The following PKIB variants were observed in gnomAD, a reference collection of about 807,000 sequenced individuals.
PKIB encodes the protein cAMP-dependent protein kinase inhibitor beta, also known as PKI-beta.
In PKIB, 2 loss-of-function variants were observed where a neutral mutation model predicts 4.5. The ratio of observed to expected loss-of-function variants is 0.44; its 90% CI spans 0.18 to 1.39. The LOEUF (loss-of-function observed/expected upper bound fraction) is 1.39, where lower values mean the gene tolerates loss of function less well. PKIB is among the 40% of genes most tolerant of loss of function. PKIB has a pLI of 0.27. For missense variants in PKIB, 94 were observed against 92.6 expected, an observed-to-expected ratio of 1.02 and a Z score of -0.06; for synonymous variants, 38 against 36.0, an observed-to-expected ratio of 1.06 and a Z score of -0.20.
chr6:122,623,063 G>A (rs573037040), intron 1 of PKIB, among the ~76,000 whole-genome samples: 1 of 152,276 alleles, frequency 6.6e-6, no homozygotes, highest in East Asian at 1.9e-4. Flanking sequence ...AAACATTTAT[G>A]TTTGAGAAAA....
At chr6:122,578,486 A>G (rs1199728511) in intron 2 of PKIB, among the ~76,000 whole-genome samples, 1 of 152,184 alleles carries the variant, frequency 6.6e-6, no homozygotes, top group Non-Finnish European at 1.5e-5. Flanking sequence ...TTATAACACT[A>G]TCTAGTCATC....
chr6:122,608,843 G>A (rs1582733688), upstream of PKIB, among the ~76,000 whole-genome samples: 1 of 152,016 alleles, frequency 6.6e-6, no homozygotes, highest in Admixed American at 6.6e-5. Flanking sequence ...TACACTTGCA[G>A]GATCATAAAA....
intron 2 of PKIB, among the ~76,000 whole-genome samples, chr6:122,498,328 T>C (rs1003964267): frequency 2.3e-4 from 35 of 151,896 alleles, no homozygotes; most frequent in African/African-American, 8.3e-4. Flanking sequence ...GTGAGACTCA[T>C]TCACTATCAG....
chr6:122,726,331 T>A lies in PKIB; in HGVS notation c.*1136T>A. On this transcript the variant is annotated 3_prime_UTR_variant, in exon 5 of 5. Coordinates refer to ENST00000368452, the MANE Select transcript of PKIB (RefSeq NM_181795.3). ...TGACTTAGGCTATGTCTGTATACAG[T>A]AACCAAATAAACTCTTTCACTATTA... 6.6e-6 allele frequency: 1 copy of A among 152,280 alleles called. No individual in the cohort carries two copies. Among genetic ancestry groups the A allele is most frequent in the Non-Finnish European group, 1.5e-5 (1 of 67,998 alleles). 9.4% of individuals were successfully genotyped at this position (152,280 alleles called of 1,614,324 possible).
At chr6:122,667,080 CAT>C (rs1419911795) in intron 2 of PKIB, among the ~76,000 whole-genome samples, 2 of 152,132 alleles carry the variant, frequency 1.3e-5, no homozygotes, top group East Asian at 3.8e-4. Context: ...TTATATTTAA[CAT>C]AGTTTTCATT....
intron 4 of PKIB, 96 bp downstream of exon 4, chr6:122,718,059 T>C (rs1779574742): frequency 8.2e-7 from 1 of 1,221,008 alleles, no homozygotes. Context: ...TTAAAAGTGC[T>C]CAGTTTCCTT....
chr6:122,505,366 AC>A (rs761416367), intron 2 of PKIB, among the ~76,000 whole-genome samples: 4 of 152,168 alleles, frequency 2.6e-5, no homozygotes, highest in African/African-American at 4.8e-5. Flanking sequence ...GCCAGTTTAT[AC>A]AGGCACCCCA....
chr6:122,637,198 A>C (rs1001420894), intron 2 of PKIB, among the ~76,000 whole-genome samples: 8 of 152,200 alleles, frequency 5.3e-5, no homozygotes, highest in Non-Finnish European at 8.8e-5. Context: ...AGATATATTA[A>C]AACTTCTATA....
chr6:122,566,202 A>C (rs1054783972), intron 2 of PKIB, among the ~76,000 whole-genome samples: 10 of 152,162 alleles, frequency 6.6e-5, no homozygotes, highest in African/African-American at 2.4e-4. Flanking sequence ...ATAAAAAAAG[A>C]AGTTCACTTA....
intron 2 of PKIB, among the ~76,000 whole-genome samples, chr6:122,654,213 C>A (rs1776681706): frequency 6.6e-6 from 1 of 152,100 alleles, no homozygotes; most frequent in Admixed American, 6.5e-5. Flanking sequence ...TGGAGTCAGA[C>A]CAGGGTTTGG....
intron 2 of PKIB, among the ~76,000 whole-genome samples, chr6:122,668,758 A>G (rs1342185455): frequency 6.6e-6 from 1 of 152,210 alleles, no homozygotes; most frequent in East Asian, 1.9e-4. Context: ...CACAAGTGAT[A>G]CAGACTCCCA....
At chr6:122,573,780 TA>T (rs1327307593) in intron 2 of PKIB, among the ~76,000 whole-genome samples, 3 of 151,976 alleles carry the variant, frequency 2.0e-5, no homozygotes, top group Non-Finnish European at 4.4e-5. Flanking sequence ...CTCAAAGTAA[TA>T]AAAGTAACAT....
intron 3 of PKIB, among the ~76,000 whole-genome samples, chr6:122,698,744 A>C (rs1258739756): frequency 3.3e-5 from 5 of 152,198 alleles, no homozygotes; most frequent in African/African-American, 1.2e-4. Context: ...ATCTGTAAGT[A>C]ACAGCACTAG....
At chr6:122,700,370 T>G (rs1420497928) in intron 3 of PKIB, among the ~76,000 whole-genome samples, 2 of 151,918 alleles carry the variant, frequency 1.3e-5, no homozygotes, top group Non-Finnish European at 2.9e-5. Flanking sequence ...CTCAGAGAGC[T>G]TCAAATTAGT....
intron 3 of PKIB, among the ~76,000 whole-genome samples, chr6:122,704,850 A>C (rs976170502): frequency 1.3e-5 from 2 of 152,000 alleles, no homozygotes; most frequent in African/African-American, 4.8e-5. Context: ...CCAAGGAGGG[A>C]GGATCACTTG....
intron 2 of PKIB, among the ~76,000 whole-genome samples, chr6:122,560,024 G>A (rs993622552): frequency 6.6e-6 from 1 of 152,090 alleles, no homozygotes; most frequent in Non-Finnish European, 1.5e-5. Flanking sequence ...TGAATCAGAT[G>A]CCCTTTATTT....
intron 2 of PKIB, among the ~76,000 whole-genome samples, chr6:122,510,106 T>A (rs1029614472): frequency 4.6e-5 from 7 of 152,174 alleles, no homozygotes; most frequent in South Asian, 4.1e-4. Flanking sequence ...AGAATTTTTT[T>A]AAATTTGAAC....
At chr6:122,673,366 T>G (rs548030889) in intron 2 of PKIB, among the ~76,000 whole-genome samples, 3 of 152,350 alleles carry the variant, frequency 2.0e-5, no homozygotes, top group African/African-American at 7.2e-5. Flanking sequence ...TTTTGTTTTC[T>G]TAATCATGTC....
intron 2 of PKIB, among the ~76,000 whole-genome samples, chr6:122,571,680 A>T (rs1000794019): frequency 6.6e-5 from 10 of 152,236 alleles, no homozygotes; most frequent in Admixed American, 1.3e-4. Context: ...TTTTCAACAA[A>T]TGCTGAGGAA....
Sources: gnomAD v4.1 joint callset for allele counts (sites outside exome capture counted in the v4.1 genomes callset) on GRCh38, gnomAD v4.1.1 for gene constraint, MANE v1.5 for transcripts, NCBI Gene and HGNC (gene_info 2026-07-23, HGNC 2026-07-21) for gene names.